RAPGEF4: variants seen among roughly 807,000 people sequenced by gnomAD.
The protein encoded by RAPGEF4 is Rap guanine nucleotide exchange factor 4.
RAPGEF4 carries 66 observed loss-of-function variants against 147.9 expected under a neutral mutation model. The observed-to-expected ratio is 0.45, with a 90% CI of 0.37 to 0.55. RAPGEF4 has a LOEUF of 0.55. Ranked by LOEUF, RAPGEF4 falls within the 20% of genes least tolerant of loss-of-function variation. The pLI is 0.00. For synonymous variants in RAPGEF4, 419 were observed against 442.7 expected (o/e 0.95, Z 0.67); for missense variants, 1,071 against 1,257.3 (o/e 0.85, Z 2.24).
At position 173,001,361 on chromosome 2, in the gene RAPGEF4, AT is replaced by A; in HGVS notation, c.1658+19del. 6.2e-7 allele frequency: 1 copy of A among 1,613,364 alleles called. No homozygotes were observed. Among genetic ancestry groups the A allele is most frequent in the Non-Finnish European group, 8.5e-7 (1 of 1,179,776 alleles). On this transcript the variant is annotated intron_variant, in intron 17 of 30. Coordinates refer to ENST00000397081, the MANE Select transcript of RAPGEF4 (RefSeq NM_007023.4). ...GGTGGCCCAATATCCTTTTATTGTG[AT>A]TGTAAGTCCCTATTCCCTCGAAGAC...
At chr2:172,986,415 G>A (rs900553597) in intron 12 of RAPGEF4, among the ~76,000 whole-genome samples, 3 of 151,894 alleles carry the variant, frequency 2.0e-5, no homozygotes, top group Admixed American at 1.3e-4. Flanking sequence ...TTGTAAATGT[G>A]GTTTTTTTAC....
intron 8 of RAPGEF4, 63 bp from the exon 9 acceptor site, chr2:172,965,499 A>G: frequency 6.4e-7 from 1 of 1,555,102 alleles, no homozygotes; most frequent in Non-Finnish European, 8.9e-7. Context: ...CTCAAAAGCC[A>G]TCTCCCATCC....
At chr2:172,959,829 C>A (rs1689103528) in intron 6 of RAPGEF4, among the ~76,000 whole-genome samples, 1 of 152,142 alleles carries the variant, frequency 6.6e-6, no homozygotes, top group African/African-American at 2.4e-5. Flanking sequence ...GTGGCTCATG[C>A]CTATAATCCC....
intron 4 of RAPGEF4, among the ~76,000 whole-genome samples, chr2:172,821,408 A>G (rs1193610081): frequency 6.6e-6 from 1 of 152,214 alleles, no homozygotes; most frequent in African/African-American, 2.4e-5. Flanking sequence ...GCCCGAGCTT[A>G]CTTTTGGCAA....
intron 4 of RAPGEF4, among the ~76,000 whole-genome samples, chr2:172,829,651 G>A (rs1387076070): frequency 6.6e-6 from 1 of 152,128 alleles, no homozygotes; most frequent in Non-Finnish European, 1.5e-5. Context: ...TTAGTCTGAA[G>A]AAGATAATTT....
At chr2:172,851,013 A>G (rs945594174) in intron 4 of RAPGEF4, among the ~76,000 whole-genome samples, 1 of 152,098 alleles carries the variant, frequency 6.6e-6, no homozygotes, top group African/African-American at 2.4e-5. Flanking sequence ...TTGCTTTTCT[A>G]GTTCCTTAAG....
At chr2:172,931,445 A>G (rs1448507534) in intron 6 of RAPGEF4, among the ~76,000 whole-genome samples, 1 of 152,076 alleles carries the variant, frequency 6.6e-6, no homozygotes, top group African/African-American at 2.4e-5. Context: ...ACTTGGTTCA[A>G]TTCTCAGTTC....
intron 6 of RAPGEF4, among the ~76,000 whole-genome samples, chr2:172,925,755 GA>G (rs1685226587): frequency 7.6e-6 from 1 of 130,832 alleles, no homozygotes; most frequent in Non-Finnish European, 1.6e-5. Flanking sequence ...AAGAGAGAAA[GA>G]GAGAAAGGAA....
rs768644571 is a variant in RAPGEF4 at position 172,814,404 on chromosome 2, G to A, written c.423G>A (p.Lys141=). The A allele has an allele frequency of 1.2e-6, 2 of 1,614,148 alleles. No homozygotes were observed. Among genetic ancestry groups the A allele is most frequent in the Non-Finnish European group, 1.7e-6 (2 of 1,180,004 alleles). ...GTGAACTGCTCCGCATCGAGCAGAA[G>A]GACTTCAAGGCACTATGGGAGGTGA... The part of the protein sequence containing the change: ...ESSELLRIEQ[K]DFKALWEKYR... Residue 141 remains lysine, a synonymous_variant, in exon 4 of 31, where the codon AAG becomes AAA. Transcript: ENST00000397081.
intron 17 of RAPGEF4, among the ~76,000 whole-genome samples, chr2:173,006,221 CAG>C (rs1368999439): frequency 6.6e-6 from 1 of 152,148 alleles, no homozygotes; most frequent in Non-Finnish European, 1.5e-5. Context: ...ACAGGAAAAA[CAG>C]GGGTCTGTGA....
chr2:172,841,791 A>AACACACACACACACACACAC (rs3064818), intron 4 of RAPGEF4, among the ~76,000 whole-genome samples: 4 of 147,102 alleles, frequency 2.7e-5, no homozygotes, highest in South Asian at 2.2e-4. Context: ...TTGGCTGAAT[A>AACACACACACACACACACAC]ACACACACAC....
Position 172,804,629 on chromosome 2 carries a change from C to T in RAPGEF4, c.297+7016C>T, listed in dbSNP as rs371613818. Among the ~76,000 whole-genome samples the T allele has an allele frequency of 8.9e-4, 135 of 152,284 alleles. No individual in the cohort carries two copies. The South Asian group carries it at 0.023, about 26-fold the overall frequency. On this transcript the variant is annotated intron_variant, in intron 3 of 30. Coordinates refer to ENST00000397081, the MANE Select transcript of RAPGEF4 (RefSeq NM_007023.4). ...CTGCTCTCCTGTGCTTTAGGCAGTG[C>T]GTGCAGTCATTCCCTGGGGAATCTG... is the stretch of plus-strand genomic sequence containing the variant.
intron 1 of RAPGEF4, among the ~76,000 whole-genome samples, chr2:172,785,604 C>G (rs7607466): frequency 0.37 from 55,993 of 151,942 alleles, 10,534 homozygotes; most frequent in Middle Eastern, 0.42. Context: ...ACATTACACT[C>G]AATGTTTTGA....
intron 1 of RAPGEF4, among the ~76,000 whole-genome samples, chr2:172,783,149 A>G (rs1684837119): frequency 6.6e-6 from 1 of 152,236 alleles, no homozygotes; most frequent in Non-Finnish European, 1.5e-5. Flanking sequence ...CCTCTGCCTA[A>G]TGATGGGGTT....
intron 4 of RAPGEF4, among the ~76,000 whole-genome samples, chr2:172,844,178 C>T (rs908522738): frequency 6.6e-6 from 1 of 152,196 alleles, no homozygotes; most frequent in South Asian, 2.1e-4. Context: ...CGTGTCCAGA[C>T]TTGGGGACTT....
intron 1 of RAPGEF4, among the ~76,000 whole-genome samples, chr2:172,743,680 C>A (rs1694508433): frequency 6.6e-6 from 1 of 152,190 alleles, no homozygotes; most frequent in African/African-American, 2.4e-5. Context: ...CACTGTCTGG[C>A]CAATGAGACA....
At chr2:172,822,395 C>G (rs1293021554) in intron 4 of RAPGEF4, among the ~76,000 whole-genome samples, 1 of 152,038 alleles carries the variant, frequency 6.6e-6, no homozygotes, top group African/African-American at 2.4e-5. Context: ...GGTATTTCAC[C>G]CTCCAGGCCC....
intron 4 of RAPGEF4, among the ~76,000 whole-genome samples, chr2:172,870,612 A>G (rs921358318): frequency 1.3e-5 from 2 of 152,114 alleles, no homozygotes; most frequent in East Asian, 1.9e-4. Flanking sequence ...TCTGGAACCC[A>G]TGGAATTAAT....
At chr2:172,844,484 C>T (rs1351752252) in intron 4 of RAPGEF4, among the ~76,000 whole-genome samples, 2 of 152,200 alleles carry the variant, frequency 1.3e-5, no homozygotes, top group African/African-American at 4.8e-5. Flanking sequence ...CTTGCATCCT[C>T]TCATTTGCCT....
Sources: gnomAD v4.1 joint callset for allele counts (sites outside exome capture counted in the v4.1 genomes callset) on GRCh38, gnomAD v4.1.1 for gene constraint, MANE v1.5 for transcripts, NCBI Gene and HGNC (gene_info 2026-07-23, HGNC 2026-07-21) for gene names.